The following ZNF205 variants were observed in gnomAD, a reference collection of about 807,000 sequenced individuals.
ZNF205 encodes the protein zinc finger protein 205.
ZNF205 carries 32 observed loss-of-function variants against 53.6 expected under a neutral mutation model. That is an observed-to-expected ratio of 0.60 (90% CI 0.45 to 0.80). The LOEUF is 0.80. Ranked by LOEUF, ZNF205 falls within the 30% of genes least tolerant of loss-of-function variation. The pLI is 0.00. For synonymous variants in ZNF205, 382 were observed against 334.3 expected, an observed-to-expected ratio of 1.14 and a Z score of -1.56; for missense variants, 836 against 782.4, an observed-to-expected ratio of 1.07 and a Z score of -0.82.
chr16:3,112,649 C>T lies in ZNF205; in HGVS notation c.-48C>T, dbSNP rs1321307839. On this transcript the variant is annotated 5_prime_UTR_variant, in exon 1 of 7. Transcript: ENST00000219091. ...CTCCCTTCCCGGGGGAGGGGGCCCC[C>T]ACTGCCGCAGGTGCCCCCTCTGCCT... 4 of 306,640 alleles carry T rather than the reference C, an allele frequency of 1.3e-5. No homozygotes were observed. Among genetic ancestry groups the T allele is most frequent in the East Asian group, 1.7e-4 (2 of 12,086 alleles). 19.0% of individuals were successfully genotyped at this position (306,640 alleles called of 1,614,324 possible). A position where few individuals can be genotyped will look rare whatever the true frequency, so the allele number is the denominator to read the frequency against.
At chr16:3,116,337 T>C in intron 4 of ZNF205, 90 bp from the exon 5 acceptor site, 1 of 1,561,678 alleles carries the variant, frequency 6.4e-7, no homozygotes, top group Non-Finnish European at 8.7e-7. Flanking sequence ...GGGTTGGGAG[T>C]CCGGGGTCTC....
rs764191295 is a variant in ZNF205 at position 3,119,366 on chromosome 16, G to A, written c.706G>A (p.Ala236Thr). 152 of 1,612,382 alleles carry A rather than the reference G, an allele frequency of 9.4e-5. No homozygotes were observed. Among genetic ancestry groups the A allele is most frequent in the African/African-American group, 1.3e-4 (10 of 74,914 alleles). Residue 236 changes from alanine to threonine, a missense_variant, in exon 7 of 7, where the codon GCG (alanine) becomes ACG (threonine). Physicochemically the swap from Ala to Thr is moderately conservative, Grantham distance 58 (BLOSUM62 0). Transcript: ENST00000219091. The part of the protein sequence containing the change: ...GRVQWGVPQC[A>T]QEAACGRSSG... ...AGTCCAGTGGGGCGTCCCGCAGTGC[G>A]CGCAGGAAGCAGCCTGCGGCCGGAG...
chr16:3,115,968 A>G (rs781581554), intron 4 of ZNF205, 48 bp downstream of exon 4: 1 of 1,573,750 alleles, frequency 6.4e-7, no homozygotes, highest in East Asian at 2.3e-5. Flanking sequence ...CCCTTCCTGC[A>G]TCTGCTGGTT....
Position 3,119,398 on chromosome 16 carries a change from G to A in ZNF205, c.738G>A (p.Gly246=), listed in dbSNP as rs1047743509. The A allele has an allele frequency of 6.8e-6, 11 of 1,610,256 alleles. No individual in the cohort carries two copies. The highest frequency in any genetic ancestry group is 2.7e-5 in the African/African-American group (2 of 74,846). Reference sequence around the variant, plus strand: ...AAGCAGCCTGCGGCCGGAGCTCAGGGCCGGCCAAAGACTCCGGGCAGCCGG... The same window carrying A: ...AAGCAGCCTGCGGCCGGAGCTCAGGACCGGCCAAAGACTCCGGGCAGCCGG... ...AQEAACGRSS[G]PAKDSGQPAE... is the part of the protein sequence containing the mutation. The change falls in exon 7 of 7, where the codon GGG becomes GGA. Residue 246 remains glycine, a synonymous_variant. Transcript: ENST00000219091.
At chr16:3,117,645 A>T (rs1425208796) in intron 5 of ZNF205, among the ~76,000 whole-genome samples, 1 of 149,680 alleles carries the variant, frequency 6.7e-6, no homozygotes, top group East Asian at 2.0e-4. Context: ...TAGAAATGGG[A>T]TCTCGCTATG....
intron 1 of ZNF205, 21 bp from the exon 2 acceptor site, chr16:3,113,396 C>A (rs1189804332): frequency 1.2e-6 from 2 of 1,610,372 alleles, no homozygotes; most frequent in South Asian, 1.1e-5. Context: ...GAGGGAGAAA[C>A]AACTCAGCTG....
chr16:3,118,688 C>T (rs1271296874), intron 5 of ZNF205, among the ~76,000 whole-genome samples: 1 of 152,190 alleles, frequency 6.6e-6, no homozygotes, highest in Non-Finnish European at 1.5e-5. Context: ...AACTCCGTTG[C>T]TCTTTCAGGG....
At position 3,113,483 on chromosome 16, in the gene ZNF205, C is replaced by T. The variant is rs571566099; in HGVS notation, c.53C>T (p.Pro18Leu). Residue 18 changes from proline to leucine, a missense_variant, in exon 2 of 7, where the codon CCG (proline) becomes CTG (leucine). Physicochemically the swap from Pro to Leu is moderately conservative, Grantham distance 98. Transcript: ENST00000219091. ...IQDTQDKETP[P>L]EVPDRGHPHQ... is the part of the protein sequence containing the mutation. Reference sequence around the variant, plus strand: ...GACACCCAGGACAAGGAGACACCCCCGGAGGTACAGATGGGGCTGGCTGAG... The same window carrying T: ...GACACCCAGGACAAGGAGACACCCCTGGAGGTACAGATGGGGCTGGCTGAG... 22 of 1,613,336 alleles carry T rather than the reference C, an allele frequency of 1.4e-5. No individual in the cohort carries two copies. The highest frequency in any genetic ancestry group is 1.2e-4 in the South Asian group (11 of 90,950).
chr16:3,116,112 C>A, intron 4 of ZNF205, 192 bp downstream of exon 4: 1 of 717,180 alleles, frequency 1.4e-6, no homozygotes, highest in Non-Finnish European at 2.3e-6. Context: ...GGAGAAGCAG[C>A]AGGAATTAGA....
Position 3,118,981 on chromosome 16 carries a change from A to G in ZNF205, c.561A>G (p.Ala187=). 1 of 1,613,652 alleles carries G rather than the reference A, an allele frequency of 6.2e-7. No individual in the cohort carries two copies. The highest frequency in any genetic ancestry group is 8.5e-7 in the Non-Finnish European group (1 of 1,179,952). The change falls in exon 6 of 7, where the codon GCA becomes GCG. Residue 187 remains alanine, a synonymous_variant. Transcript: ENST00000219091. ...AGGCCTCGGGCTCCAGCCGGCAGGC[A>G]GGAGATGAGAAGGAGTGGAGAGGCG... The part of the protein sequence containing the change: ...KGEASGSSRQ[A]GDEKEWRGAC...
intron 3 of ZNF205, 97 bp from the exon 4 acceptor site, chr16:3,115,732 C>T (rs1386583648): frequency 1.4e-6 from 2 of 1,419,136 alleles, no homozygotes; most frequent in Non-Finnish European, 1.9e-6. Context: ...CCGACCCTGT[C>T]CTTGGGTCGG....
Position 3,113,454 on chromosome 16 carries a change from C to T in ZNF205, c.24C>T (p.Ile8=), listed in dbSNP as rs757758725. The change falls in exon 2 of 7, where the codon ATC becomes ATT. Residue 8 remains isoleucine (I), a synonymous_variant. Coordinates refer to ENST00000219091, the MANE Select transcript of ZNF205 (RefSeq NM_001042428.2). MSADGGG[I]QDTQDKETPP... ...AAATGTCTGCAGACGGCGGAGGCAT[C>T]CAGGACACCCAGGACAAGGAGACAC... is the stretch of plus-strand genomic sequence containing the variant. 1 of 1,613,458 alleles carries T rather than the reference C, an allele frequency of 6.2e-7. No homozygotes were observed. The highest frequency in any genetic ancestry group is 1.7e-5 in the Admixed American group (1 of 59,864).
In ZNF205 at chr16:3,119,394, C is replaced by A. The variant is rs1425975184; in HGVS notation, c.734C>A (p.Ser245Ter). The change falls in exon 7 of 7, where the codon TCA becomes TAA. Residue 245 changes from serine (S) to a stop codon, truncating the protein, a stop_gained. Coordinates refer to ENST00000219091, the MANE Select transcript of ZNF205 (RefSeq NM_001042428.2). LOFTEE classifies it high-confidence loss of function. ...CAGGAAGCAGCCTGCGGCCGGAGCT[C>A]AGGGCCGGCCAAAGACTCCGGGCAG... ...CAQEAACGRSSGPAKDSGQPA... is the reference protein window; with the variant it reads ...CAQEAACGRS 6.2e-7 allele frequency: 1 copy of A among 1,610,544 alleles called. No individual in the cohort carries two copies.
At chr16:3,114,728 C>T (rs1339544489) in intron 2 of ZNF205, 1 of 152,190 alleles carries the variant, frequency 6.6e-6, no homozygotes, top group Non-Finnish European at 1.5e-5. Flanking sequence ...GCCTGCAGTC[C>T]AAAATCTAGG....
Position 3,119,581 on chromosome 16 carries a change from C to G in ZNF205, c.921C>G (p.Ser307Arg), listed in dbSNP as rs530280160. 3.7e-6 allele frequency: 6 copies of G among 1,608,630 alleles called. No individual in the cohort carries two copies. The South Asian group carries it at 6.6e-5, about 18-fold the overall frequency. ...CTGACAGTGAGGTGGGCAGGAAGAG[C>G]TACCGGTGCGAGCAGTGCGGCAAGG... ...LAPDSEVGRK[S>R]YRCEQCGKGF... Residue 307 changes from serine to arginine, a missense_variant, in exon 7 of 7, where the codon AGC becomes AGG. Physicochemically the swap from Ser to Arg is moderately radical, Grantham distance 110. Coordinates refer to ENST00000219091, the MANE Select transcript of ZNF205 (RefSeq NM_001042428.2).
intron 2 of ZNF205, 24 bp from the exon 3 acceptor site, chr16:3,115,331 T>A: frequency 6.5e-7 from 1 of 1,530,930 alleles, no homozygotes. Context: ...CTCATCTGGG[T>A]GCTGATGGGG....
Position 3,113,483 on chromosome 16 carries a change from C to G in ZNF205, c.53C>G (p.Pro18Arg), listed in dbSNP as rs571566099. The change falls in exon 2 of 7, where the codon CCG becomes CGG. Residue 18 changes from proline (P) to arginine (R), a missense_variant. Pro to Arg is a moderately radical substitution (Grantham distance 103). Transcript: ENST00000219091. Reference sequence around the variant, plus strand: ...GACACCCAGGACAAGGAGACACCCCCGGAGGTACAGATGGGGCTGGCTGAG... The same window carrying G: ...GACACCCAGGACAAGGAGACACCCCGGGAGGTACAGATGGGGCTGGCTGAG... ...IQDTQDKETPPEVPDRGHPHQ... is the reference protein window; with the variant it reads ...IQDTQDKETPREVPDRGHPHQ... 1 of 1,613,336 alleles carries G rather than the reference C, an allele frequency of 6.2e-7. No individual in the cohort carries two copies. Among genetic ancestry groups the G allele is most frequent in the Non-Finnish European group, 8.5e-7 (1 of 1,179,730 alleles).
chr16:3,118,382 G>T (rs1255548814), intron 5 of ZNF205, among the ~76,000 whole-genome samples: 10 of 152,110 alleles, frequency 6.6e-5, no homozygotes, highest in Non-Finnish European at 5.9e-5. Context: ...CAGCACCACG[G>T]CAGGCCTCGC....
intron 3 of ZNF205, 91 bp from the exon 4 acceptor site, chr16:3,115,738 G>A (rs1000341512): frequency 5.6e-6 from 8 of 1,434,666 alleles, no homozygotes; most frequent in African/African-American, 2.8e-5. Flanking sequence ...CTGTCCTTGG[G>A]TCGGGCCAGG....
Sources: gnomAD v4.1 joint callset for allele counts (sites outside exome capture counted in the v4.1 genomes callset) on GRCh38, gnomAD v4.1.1 for gene constraint, MANE v1.5 for transcripts, NCBI Gene and HGNC (gene_info 2026-07-23, HGNC 2026-07-21) for gene names.